The following DSCAM variants were observed in gnomAD, a reference collection of about 807,000 sequenced individuals.
The protein encoded by DSCAM is cell adhesion molecule DSCAM.
DSCAM carries 47 observed loss-of-function variants against 217.7 expected under a neutral mutation model. That is an observed-to-expected ratio of 0.22 (90% CI 0.17 to 0.28). DSCAM has a LOEUF of 0.28. Among genes scored for constraint, DSCAM ranks in the 10% least tolerant of loss-of-function variants. The pLI is 1.00. For missense variants in DSCAM, 2,080 were observed against 2,618.3 expected (o/e 0.79, Z 4.49); for synonymous variants, 1,056 against 1,015.3 (o/e 1.04, Z -0.76).
At chr21:40,346,008 C>T (rs2074554012) in intron 6 of DSCAM, among the ~76,000 whole-genome samples, 1 of 152,202 alleles carries the variant, frequency 6.6e-6, no homozygotes. Flanking sequence ...CTTGCTGTCA[C>T]TCTGATAACC....
chr21:40,420,148 A>G (rs1434300084), intron 3 of DSCAM, among the ~76,000 whole-genome samples: 1 of 152,230 alleles, frequency 6.6e-6, no homozygotes, highest in East Asian at 1.9e-4. Context: ...AGAATATTGA[A>G]TAATTTGATG....
intron 3 of DSCAM, among the ~76,000 whole-genome samples, chr21:40,386,736 A>G (rs193068089): frequency 1.3e-5 from 2 of 152,346 alleles, no homozygotes; most frequent in East Asian, 3.9e-4. Flanking sequence ...AATTCTTTCA[A>G]TGAAAATTTG....
At position 40,824,403 on chromosome 21, in the gene DSCAM, A is replaced by ATTTTT. The variant is rs536114434; in HGVS notation, c.43+22211_43+22215dup. 5.3e-3 allele frequency among the ~76,000 whole-genome samples: 639 copies of ATTTTT among 120,984 alleles called. 19 individuals carry two copies. The highest frequency in any genetic ancestry group is 0.012 in the African/African-American group (337 of 28,708). The allele number at this position is 120,984 out of a possible 152,430, so 79.4% of individuals were successfully genotyped here. On this transcript the variant is annotated intron_variant, in intron 1 of 32. Transcript: ENST00000400454. Reference sequence around the variant, plus strand: ...GCTCCCTATCCCATTTTTATTATTGATTTTTTTTTTTTTTTTTGGAGACAG... The same window carrying ATTTTT: ...GCTCCCTATCCCATTTTTATTATTGATTTTTTTTTTTTTTTTTTTTTTGGAGACAG...
chr21:40,766,621 G>T (rs2091392386), intron 1 of DSCAM, among the ~76,000 whole-genome samples: 1 of 115,736 alleles, frequency 8.6e-6, no homozygotes. Context: ...CAAGTTCCAA[G>T]TTTTGGTCAC....
intron 25 of DSCAM, among the ~76,000 whole-genome samples, chr21:40,079,721 A>G (rs1029691456): frequency 2.1e-5 from 3 of 146,322 alleles, no homozygotes; most frequent in Admixed American, 6.8e-5. Flanking sequence ...ATTTTAGATT[A>G]AAAAAAAAAC....
chr21:40,466,194 A>G (rs2075843886), intron 3 of DSCAM, among the ~76,000 whole-genome samples: 1 of 152,226 alleles, frequency 6.6e-6, no homozygotes, highest in African/African-American at 2.4e-5. Flanking sequence ...TCCCTTCAGA[A>G]GTAAGGCGGC....
At chr21:40,810,256 G>A (rs114467062) in intron 1 of DSCAM, among the ~76,000 whole-genome samples, 1,688 of 152,310 alleles carry the variant, frequency 0.011, 28 homozygotes, top group African/African-American at 0.038. Flanking sequence ...GAGCTAGAAC[G>A]TTGCACCCTC....
intron 1 of DSCAM, among the ~76,000 whole-genome samples, chr21:40,753,193 C>T (rs747813358): frequency 4.6e-5 from 7 of 152,192 alleles, no homozygotes; most frequent in African/African-American, 1.7e-4. Flanking sequence ...AGAGTATCTG[C>T]AAGGATTCCT....
chr21:40,677,785 G>A (rs1034190294), intron 3 of DSCAM, among the ~76,000 whole-genome samples: 15 of 152,048 alleles, frequency 9.9e-5, no homozygotes, highest in African/African-American at 3.6e-4. Flanking sequence ...CGCCTCTTCT[G>A]CCATGTGAGA....
At chr21:40,638,896 TAGAAGG>T (rs1292577589) in intron 3 of DSCAM, among the ~76,000 whole-genome samples, 1 of 151,952 alleles carries the variant, frequency 6.6e-6, no homozygotes, top group Non-Finnish European at 1.5e-5. Context: ...TTTTTAAAAA[TAGAAGG>T]AGGCCCTTCT....
chr21:40,841,337 G>C (rs971527249), intron 1 of DSCAM, among the ~76,000 whole-genome samples: 1 of 152,144 alleles, frequency 6.6e-6, no homozygotes, highest in African/African-American at 2.4e-5. Context: ...TACTCCGTGG[G>C]GCTGCTGGAA....
intron 26 of DSCAM, among the ~76,000 whole-genome samples, chr21:40,077,868 G>A (rs768941052): frequency 1.1e-4 from 17 of 152,184 alleles, no homozygotes; most frequent in East Asian, 3.9e-4. Flanking sequence ...CATTGCTGCC[G>A]TTTTTACCTT....
intron 3 of DSCAM, among the ~76,000 whole-genome samples, chr21:40,607,400 A>ATTTTTTTT (rs58893055): frequency 8.3e-6 from 1 of 121,154 alleles, no homozygotes; most frequent in East Asian, 2.4e-4. Context: ...TTTAATTCTG[A>ATTTTTTTT]TTTTTTTTTT....
intron 4 of DSCAM, among the ~76,000 whole-genome samples, chr21:40,356,959 T>C (rs2074700040): frequency 6.6e-6 from 1 of 152,210 alleles, no homozygotes; most frequent in Non-Finnish European, 1.5e-5. Flanking sequence ...GAGATAAAAC[T>C]TCATTATGAA....
rs535375662 is a variant in DSCAM, at chr21:40,155,724, G to A, written c.3019-10993C>T. Among the ~76,000 whole-genome samples the A allele has an allele frequency of 7.9e-5, 12 of 152,216 alleles. 1 individual carries two copies. In the South Asian group the frequency reaches 2.5e-3, roughly 32 times the overall value. On this transcript the variant is annotated intron_variant, in intron 16 of 32. Transcript: ENST00000400454. ...GGCCAATCATGATCCAACACCGCTG[G>A]TAAAGAGGTCAGTCGGGCAGGGGTG...
At chr21:40,064,960 A>T (rs150015198) in intron 27 of DSCAM, among the ~76,000 whole-genome samples, 10 of 152,180 alleles carry the variant, frequency 6.6e-5, no homozygotes, top group African/African-American at 1.9e-4. Context: ...CTGAATGTGG[A>T]GGTGGGGGCC....
intron 3 of DSCAM, among the ~76,000 whole-genome samples, chr21:40,524,117 A>G (rs2076381496): frequency 6.6e-6 from 1 of 151,856 alleles, no homozygotes; most frequent in African/African-American, 2.4e-5. Context: ...GGTCCTTAAG[A>G]AAATTTATTT....
chr21:40,455,241 C>T lies in DSCAM; in HGVS notation c.509-85996G>A, dbSNP rs1019913706. On this transcript the variant is annotated intron_variant, in intron 3 of 32. Transcript: ENST00000400454. ...CCACCAGAAAAAGTAGTTATTGAGC[C>T]GACGAATCATTTGAACGAAATGTAT... 7.2e-5 allele frequency among the ~76,000 whole-genome samples: 11 copies of T among 151,814 alleles called. No individual in the cohort carries two copies. In the South Asian group the frequency reaches 1.5e-3, roughly 20 times the overall value.
At chr21:40,372,667 T>G (rs1340767316) in intron 3 of DSCAM, among the ~76,000 whole-genome samples, 2 of 152,204 alleles carry the variant, frequency 1.3e-5, no homozygotes, top group Non-Finnish European at 2.9e-5. Context: ...CTTTTCTGCT[T>G]CCTCCTTTAC....
Sources: allele counts gnomAD v4.1 joint callset (sites outside exome capture counted in the v4.1 genomes callset), GRCh38; gene constraint gnomAD v4.1.1; transcripts MANE v1.5; gene names NCBI Gene and HGNC (gene_info 2026-07-23, HGNC 2026-07-21).